The following SLC9A3 variants were observed in gnomAD, a reference collection of about 807,000 sequenced individuals.
SLC9A3 encodes sodium/hydrogen exchanger 3.
SLC9A3 carries 37 observed loss-of-function variants against 86.8 expected under a neutral mutation model. The observed-to-expected ratio is 0.43, with a 90% CI of 0.33 to 0.56. SLC9A3 has a LOEUF of 0.56. SLC9A3 is among the 20% of genes least tolerant of loss of function. The probability of loss-of-function intolerance (pLI) is 0.06; values close to 1 mark genes in which losing one functional copy is unlikely to be tolerated. For missense variants in SLC9A3, 1,011 were observed against 1,171.9 expected, an observed-to-expected ratio of 0.86 and a Z score of 2.00; for synonymous variants, 581 against 528.3, an observed-to-expected ratio of 1.10 and a Z score of -1.37.
Position 475,681 on chromosome 5 carries a change from A to G in SLC9A3, c.2141-10T>C, listed in dbSNP as rs1738680055. 1 of 1,503,886 alleles carries G rather than the reference A, an allele frequency of 6.6e-7. No individual in the cohort carries two copies. The highest frequency in any genetic ancestry group is 9.1e-7 in the Non-Finnish European group (1 of 1,103,260). The allele number at this position is 1,503,886 out of a possible 1,614,324, so 93.2% of individuals were successfully genotyped here. On this transcript the variant is annotated splice_polypyrimidine_tract_variant and intron_variant, in intron 14 of 16. Coordinates refer to ENST00000264938, the MANE Select transcript of SLC9A3 (RefSeq NM_004174.4). ...TCTGAAAGTTCCAAGTCTGGGGAAG[A>G]CAGGTTGGGGTGAGGACTGGGGTCA...
At chr5:489,225 G>A (rs1739612624) in intron 2 of SLC9A3, among the ~76,000 whole-genome samples, 1 of 152,164 alleles carries the variant, frequency 6.6e-6, no homozygotes. Flanking sequence ...CGGCCGCAGG[G>A]CTCAGAGGAC....
chr5:475,582 T>G lies in SLC9A3; in HGVS notation c.2230A>C (p.Thr744Pro). The change falls in exon 15 of 17, where the codon ACA becomes CCA. Residue 744 changes from threonine (T) to proline (P), a missense_variant. This residue lies in a region of SLC9A3 where 397 missense variants were observed against 346.3 expected (regional missense o/e 1.15). Coordinates refer to ENST00000264938, the MANE Select transcript of SLC9A3 (RefSeq NM_004174.4). ...CCACCTGCAGGGGAGTCGGACGCTG[T>G]GTCCTTGGTGACACTAGCCAGGAAC... Reference protein sequence around the residue: ...IEFLASVTKDTASDSPAGIDN... With the variant: ...IEFLASVTKDPASDSPAGIDN... 1 of 1,550,014 alleles carries G rather than the reference T, an allele frequency of 6.5e-7. No homozygotes were observed. The highest frequency in any genetic ancestry group is 1.4e-5 in the African/African-American group (1 of 73,166).
chr5:471,501 G>C lies in SLC9A3; in HGVS notation c.*1878C>G, dbSNP rs1738355919. On this transcript the variant is annotated 3_prime_UTR_variant, in exon 17 of 17. Coordinates refer to ENST00000264938, the MANE Select transcript of SLC9A3 (RefSeq NM_004174.4). Reference sequence around the variant, plus strand: ...CAGCAGTTCAGATGGGACAAACTGGGGGCCTGTCAGAACAGCCACTTGTGC... The same window carrying C: ...CAGCAGTTCAGATGGGACAAACTGGCGGCCTGTCAGAACAGCCACTTGTGC... 5.8e-6 allele frequency: 2 copies of C among 343,786 alleles called. No homozygotes were observed. Among genetic ancestry groups the C allele is most frequent in the African/African-American group, 4.3e-5 (2 of 46,546 alleles). 21.3% of individuals were successfully genotyped at this position (343,786 alleles called of 1,614,324 possible).
chr5:494,039 C>G (rs555406194), intron 1 of SLC9A3, among the ~76,000 whole-genome samples: 1 of 152,236 alleles, frequency 6.6e-6, no homozygotes, highest in South Asian at 2.1e-4. Flanking sequence ...CCTCGGGGCC[C>G]CGCTCAGAGC....
chr5:488,922 G>T (rs1366475939), intron 2 of SLC9A3, among the ~76,000 whole-genome samples: 1 of 152,184 alleles, frequency 6.6e-6, no homozygotes, highest in African/African-American at 2.4e-5. Context: ...GCCGTTGGGG[G>T]TGTGGGGGCA....
intron 16 of SLC9A3, 24 bp from the exon 17 acceptor site, chr5:473,406 G>T: frequency 7.2e-7 from 1 of 1,390,938 alleles, no homozygotes. Context: ...AGGCGTGAGC[G>T]GCGCGCGGAG....
rs1738505349 is a variant in SLC9A3, at chr5:473,320, C to CGGT, written c.*56_*58dup. 1 of 1,387,130 alleles carries CGGT rather than the reference C, an allele frequency of 7.2e-7. No individual in the cohort carries two copies. Among genetic ancestry groups the CGGT allele is most frequent in the Non-Finnish European group, 9.4e-7 (1 of 1,065,694 alleles). The allele number at this position is 1,387,130 out of a possible 1,614,324, so 85.9% of individuals were successfully genotyped here. A position where few individuals can be genotyped will look rare whatever the true frequency, so the allele number is the denominator to read the frequency against. On this transcript the variant is annotated 3_prime_UTR_variant, in exon 17 of 17. Transcript: ENST00000264938. ...GGTTTCTCTGGGACAGCGGCGGCGGCGGTGGGCGGACCGTGGCGCGGGGAC... is the reference window on the plus strand; with the variant it reads ...GGTTTCTCTGGGACAGCGGCGGCGGCGGTGGTGGGCGGACCGTGGCGCGGGGAC...
intron 14 of SLC9A3, 121 bp from the exon 15 acceptor site, chr5:475,792 G>A (rs1332478237): frequency 5.7e-6 from 4 of 704,216 alleles, no homozygotes; most frequent in Admixed American, 2.4e-5. Context: ...ACAGAGAGGA[G>A]GGCTAAACCG....
In SLC9A3 at chr5:482,580, T is replaced by C; in HGVS notation, c.1324A>G (p.Ile442Val). The change falls in exon 7 of 17, where the codon ATC (isoleucine) becomes GTC (valine). Residue 442 changes from isoleucine to valine, a missense_variant. Coordinates refer to ENST00000264938, the MANE Select transcript of SLC9A3 (RefSeq NM_004174.4). ...ATGACGGTGAAGAACACTACGATGATGGTGGTGCTGACGAACAGGTTCTTC... is the reference window on the plus strand; with the variant it reads ...ATGACGGTGAAGAACACTACGATGACGGTGGTGCTGACGAACAGGTTCTTC... ...KEKNLFVSTT[I>V]IVVFFTVIFQ... 6.2e-7 allele frequency: 1 copy of C among 1,612,860 alleles called. No individual in the cohort carries two copies. The highest frequency in any genetic ancestry group is 1.1e-5 in the South Asian group (1 of 91,080).
In SLC9A3 at chr5:479,940, G is replaced by T; in HGVS notation, c.1543C>A (p.Leu515Ile). 2.5e-6 allele frequency: 4 copies of T among 1,613,918 alleles called. No individual in the cohort carries two copies. In the East Asian group the frequency reaches 8.9e-5, roughly 36 times the overall value. ...GACCGTCTCATGAGGACCCTGCTGA[G>T]GAACTTCCTGTCGAAGTGGGACCAC... ...DKWSHFDRKF[L>I]SRVLMRRSAQ... Residue 515 changes from leucine to isoleucine, a missense_variant, in exon 10 of 17, where the codon CTC becomes ATC. Coordinates refer to ENST00000264938, the MANE Select transcript of SLC9A3 (RefSeq NM_004174.4).
chr5:507,152 T>G (rs946566865), intron 1 of SLC9A3, among the ~76,000 whole-genome samples: 2 of 143,714 alleles, frequency 1.4e-5, no homozygotes, highest in African/African-American at 2.6e-5. Flanking sequence ...GAAGGAGGGA[T>G]CCGGCTGCTG....
intron 1 of SLC9A3, among the ~76,000 whole-genome samples, chr5:511,209 A>T (rs1560973726): frequency 1.3e-5 from 2 of 152,178 alleles, no homozygotes; most frequent in Non-Finnish European, 2.9e-5. Flanking sequence ...AAAAGACCTA[A>T]ATGTAAAAGA....
intron 1 of SLC9A3, among the ~76,000 whole-genome samples, chr5:493,116 GA>G (rs70955254): frequency 5.3e-4 from 77 of 145,780 alleles, no homozygotes; most frequent in Admixed American, 1.5e-3. Context: ...GTTGGACTCA[GA>G]AAAAAAAAAA....
chr5:512,714 G>GT (rs1197476768), intron 1 of SLC9A3, among the ~76,000 whole-genome samples: 2 of 152,272 alleles, frequency 1.3e-5, no homozygotes, highest in East Asian at 3.9e-4. Context: ...CGAAGCTGTT[G>GT]GGGGGGCACT....
At chr5:519,710 G>A (rs962944487) in intron 1 of SLC9A3, among the ~76,000 whole-genome samples, 2 of 152,108 alleles carry the variant, frequency 1.3e-5, no homozygotes, top group Non-Finnish European at 1.5e-5. Flanking sequence ...GGAACCTGGC[G>A]CTCAGGGATC....
rs191058739 is a variant in SLC9A3, at chr5:483,537, C to T, written c.933-55G>A. On this transcript the variant is annotated intron_variant, in intron 5 of 16. Transcript: ENST00000264938. ...GCCACCTGGCCTGGCGCCCGAGGCC[C>T]CCGTGTCCGCCCAGCCCCCCACGGC... The T allele has an allele frequency of 7.5e-4, 941 of 1,252,506 alleles. 13 individuals carry two copies. In the South Asian group the frequency reaches 0.011, roughly 15 times the overall value. 77.6% of individuals were successfully genotyped at this position (1,252,506 alleles called of 1,614,324 possible).
At chr5:498,785 C>G (rs1327462997) in intron 1 of SLC9A3, among the ~76,000 whole-genome samples, 1 of 152,194 alleles carries the variant, frequency 6.6e-6, no homozygotes, top group Non-Finnish European at 1.5e-5. Context: ...GGAAGAGTGC[C>G]CCTGCTGGCC....
At chr5:514,792 C>T (rs1256521818) in intron 1 of SLC9A3, among the ~76,000 whole-genome samples, 4 of 152,252 alleles carry the variant, frequency 2.6e-5, no homozygotes, top group Non-Finnish European at 5.9e-5. Context: ...AACTCAAACC[C>T]TTGGACTTTG....
At position 471,541 on chromosome 5, in the gene SLC9A3, C is replaced by G. The variant is rs1738357416; in HGVS notation, c.*1838G>C. On this transcript the variant is annotated 3_prime_UTR_variant, in exon 17 of 17. Coordinates refer to ENST00000264938, the MANE Select transcript of SLC9A3 (RefSeq NM_004174.4). Reference sequence around the variant, plus strand: ...GCCACTTGTGCCGGGAAGGCCAGGCCCCGGCCTGCTCCGATGAACGTCAGG... The same window carrying G: ...GCCACTTGTGCCGGGAAGGCCAGGCGCCGGCCTGCTCCGATGAACGTCAGG... The G allele has an allele frequency of 2.9e-6, 1 of 349,042 alleles. No individual in the cohort carries two copies. The highest frequency in any genetic ancestry group is 5.7e-6 in the Non-Finnish European group (1 of 176,810). The allele number at this position is 349,042 out of a possible 1,614,324, so 21.6% of individuals were successfully genotyped here.
Sources: gnomAD v4.1 joint callset for allele counts (sites outside exome capture counted in the v4.1 genomes callset) on GRCh38, gnomAD v4.1.1 for gene constraint, gnomAD v4.1.1 regional missense constraint, MANE v1.5 for transcripts, NCBI Gene and HGNC (gene_info 2026-07-23, HGNC 2026-07-21) for gene names.